RICTOR: variants seen among roughly 807,000 people sequenced by gnomAD.
The protein encoded by RICTOR is RPTOR independent companion of MTOR complex 2.
A neutral mutation model predicts 214.9 loss-of-function variants in RICTOR; 49 were observed. The ratio of observed to expected loss-of-function variants is 0.23; its 90% CI spans 0.18 to 0.29. The LOEUF (loss-of-function observed/expected upper bound fraction) is 0.29. RICTOR is among the 10% of genes least tolerant of loss of function. The pLI, the probability that RICTOR is intolerant of heterozygous loss-of-function variation, is 1.00. For synonymous variants in RICTOR, 717 were observed against 711.3 expected, an observed-to-expected ratio of 1.01 and a Z score of -0.13; for missense variants, 1,625 against 2,047.0, an observed-to-expected ratio of 0.79 and a Z score of 3.98.
At chr5:38,974,815 T>C (rs577349515) in intron 10 of RICTOR, among the ~76,000 whole-genome samples, 8 of 152,326 alleles carry the variant, frequency 5.3e-5, no homozygotes, top group Non-Finnish European at 7.4e-5. Context: ...TAAACATTTG[T>C]ATGGAAAAGG....
At chr5:38,942,725 G>C (rs1408675397) in intron 37 of RICTOR, 108 bp downstream of exon 37, 1 of 876,116 alleles carries the variant, frequency 1.1e-6, no homozygotes, top group Non-Finnish European at 1.8e-6. Flanking sequence ...CAAAGTGCTG[G>C]GATTGTAGGC....
At chr5:39,059,940 C>T (rs1289958230) in intron 2 of RICTOR, among the ~76,000 whole-genome samples, 4 of 152,068 alleles carry the variant, frequency 2.6e-5, no homozygotes, top group Admixed American at 2.0e-4. Context: ...ACTTGTCCAG[C>T]AGAGCCCTTA....
Position 38,969,666 on chromosome 5 carries a change from AT to A in RICTOR, c.973-1637del, listed in dbSNP as rs145128587. On this transcript the variant is annotated intron_variant, in intron 11 of 37. Transcript: ENST00000357387. ...AGCCTATATAGGTGCTGTATTTTTA[AT>A]TTTTTTTTTTTTTTTTTTTGAGATG... The A allele has an allele frequency of 4.9e-3, 616 of 125,922 alleles. 3 individuals carry two copies. The highest frequency in any genetic ancestry group is 0.013 in the African/African-American group (439 of 32,630). The allele number at this position is 125,922 out of a possible 1,614,324, so 7.8% of individuals were successfully genotyped here. A position where few individuals can be genotyped will look rare whatever the true frequency, so the allele number is the denominator to read the frequency against.
At chr5:39,029,904 T>A (rs1484476476) in intron 2 of RICTOR, among the ~76,000 whole-genome samples, 1 of 152,162 alleles carries the variant, frequency 6.6e-6, no homozygotes, top group East Asian at 1.9e-4. Context: ...TCATGTGAAA[T>A]TTATACAGCT....
chr5:38,972,032 A>G, intron 10 of RICTOR, 73 bp from the exon 11 acceptor site: 1 of 654,374 alleles, frequency 1.5e-6, no homozygotes, highest in Non-Finnish European at 2.7e-6. Context: ...TGTATAATAT[A>G]AAACTTGTCA....
At chr5:39,068,670 T>C (rs1364134598) in intron 2 of RICTOR, among the ~76,000 whole-genome samples, 2 of 152,090 alleles carry the variant, frequency 1.3e-5, no homozygotes, top group Non-Finnish European at 2.9e-5. Context: ...TGAGAAGATA[T>C]TACTGCCACA....
intron 11 of RICTOR, among the ~76,000 whole-genome samples, chr5:38,968,962 GGAGTTTTT>G (rs1339745088): frequency 5.2e-5 from 6 of 115,920 alleles, no homozygotes; most frequent in African/African-American, 1.9e-4. Flanking sequence ...TGGCGGGGGA[GGAGTTTTT>G]TTTTTTTTTT....
intron 2 of RICTOR, among the ~76,000 whole-genome samples, chr5:39,040,501 A>C (rs1350156078): frequency 6.6e-6 from 1 of 152,134 alleles, no homozygotes; most frequent in Non-Finnish European, 1.5e-5. Context: ...TAATTTTAAT[A>C]ATTAGAAGCT....
At chr5:39,036,781 T>C (rs1265329495) in intron 2 of RICTOR, among the ~76,000 whole-genome samples, 1 of 152,174 alleles carries the variant, frequency 6.6e-6, no homozygotes, top group Non-Finnish European at 1.5e-5. Context: ...CCTAAATATA[T>C]ATGCACCCAA....
chr5:39,037,041 C>T (rs924474507), intron 2 of RICTOR, among the ~76,000 whole-genome samples: 8 of 152,108 alleles, frequency 5.3e-5, no homozygotes, highest in Admixed American at 4.6e-4. Context: ...ACCACACCTA[C>T]TCCAAAACTG....
chr5:38,940,350 T>A lies in RICTOR; in HGVS notation c.*1954A>T. 1 of 231,626 alleles carries A rather than the reference T, an allele frequency of 4.3e-6. No homozygotes were observed. The highest frequency in any genetic ancestry group is 8.6e-6 in the Non-Finnish European group (1 of 116,770). 14.3% of individuals were successfully genotyped at this position (231,626 alleles called of 1,614,324 possible). A position where few individuals can be genotyped will look rare whatever the true frequency, so the allele number is the denominator to read the frequency against. Reference sequence around the variant, plus strand: ...ACTGAGGTAGTGTTTAAAATGAATGTCTAAAATATGTTAATCCCATTATGA... The same window carrying A: ...ACTGAGGTAGTGTTTAAAATGAATGACTAAAATATGTTAATCCCATTATGA... On this transcript the variant is annotated 3_prime_UTR_variant, in exon 38 of 38. Coordinates refer to ENST00000357387, the MANE Select transcript of RICTOR (RefSeq NM_152756.5).
Position 38,957,708 on chromosome 5 carries a change from A to G in RICTOR, c.2443T>C (p.Phe815Leu), listed in dbSNP as rs1185145559. Residue 815 changes from phenylalanine (F) to leucine (L), a missense_variant, in exon 25 of 38, where the codon TTT becomes CTT. Phe to Leu is a conservative substitution (Grantham distance 22). Transcript: ENST00000357387. Reference protein sequence around the residue: ...LLRFLSIPKGFSYLNERGYVA... With the variant: ...LLRFLSIPKGLSYLNERGYVA... ...TAACCTCTTTCATTCAGATAGGAAA[A>G]TCCTTTTGGAATGGAGAGAAATCTG... 2.5e-6 allele frequency: 4 copies of G among 1,590,664 alleles called. No individual in the cohort carries two copies. Among genetic ancestry groups the G allele is most frequent in the Non-Finnish European group, 2.6e-6 (3 of 1,164,044 alleles).
Position 38,942,079 on chromosome 5 carries a change from G to A in RICTOR, c.*225C>T, listed in dbSNP as rs3749739. ...GGTAACTGAAACTCTTAAAACTGTG[G>A]TAATGAATCATGAACCCCTCAAAAG... On this transcript the variant is annotated 3_prime_UTR_variant, in exon 38 of 38. Transcript: ENST00000357387. 635 of 379,748 alleles carry A rather than the reference G, an allele frequency of 1.7e-3. 8 individuals are homozygous for A. The East Asian group carries it at 0.023, about 14-fold the overall frequency. The allele number at this position is 379,748 out of a possible 1,614,324, so 23.5% of individuals were successfully genotyped here.
chr5:39,046,495 A>C (rs556993133), intron 2 of RICTOR, among the ~76,000 whole-genome samples: 1 of 143,806 alleles, frequency 7.0e-6, no homozygotes, highest in African/African-American at 2.6e-5. Flanking sequence ...TTACCTCATC[A>C]TCTCCTAAAC....
intron 11 of RICTOR, chr5:38,971,413 C>T (rs1409414518): frequency 3.3e-5 from 5 of 151,522 alleles, no homozygotes; most frequent in African/African-American, 1.2e-4. Context: ...CGCTCTGTCA[C>T]CCAGGCTGGA....
chr5:39,066,255 G>A (rs1167908740), intron 2 of RICTOR, among the ~76,000 whole-genome samples: 6 of 152,218 alleles, frequency 3.9e-5, no homozygotes, highest in East Asian at 3.9e-4. Context: ...GCAGCAGCCC[G>A]AACTGTACCT....
At chr5:38,960,093 C>G in intron 20 of RICTOR, 115 bp from the exon 21 acceptor site, 1 of 759,640 alleles carries the variant, frequency 1.3e-6, no homozygotes, top group Non-Finnish European at 2.3e-6. Context: ...CCAATAATAG[C>G]TATCAATCAG....
At chr5:38,957,124 T>C (rs2112901905) in intron 25 of RICTOR, among the ~76,000 whole-genome samples, 1 of 152,228 alleles carries the variant, frequency 6.6e-6, no homozygotes, top group East Asian at 1.9e-4. Flanking sequence ...AAAGAAAAGC[T>C]AGAAAAGTTG....
intron 2 of RICTOR, among the ~76,000 whole-genome samples, chr5:39,036,904 TCAA>T (rs1229757313): frequency 3.3e-5 from 5 of 152,106 alleles, no homozygotes; most frequent in Non-Finnish European, 7.4e-5. Context: ...ATTAGACAGA[TCAA>T]CGAGACAGAA....
Sources: gnomAD v4.1 joint callset for allele counts (sites outside exome capture counted in the v4.1 genomes callset) on GRCh38, gnomAD v4.1.1 for gene constraint, MANE v1.5 for transcripts, NCBI Gene and HGNC (gene_info 2026-07-23, HGNC 2026-07-21) for gene names.